Variants in TRMT2A observed in about 807,000 individuals in gnomAD.
TRMT2A encodes tRNA methyltransferase 2A.
TRMT2A carries 60 observed loss-of-function variants against 59.3 expected under a neutral mutation model. The ratio of observed to expected loss-of-function variants is 1.01; its 90% CI spans 0.82 to 1.26. The LOEUF (loss-of-function observed/expected upper bound fraction) is 1.26, where lower values mean the gene tolerates loss of function less well. Among genes scored for constraint, TRMT2A ranks in the 50% most tolerant of loss-of-function variants. The probability of loss-of-function intolerance (pLI) is 0.00; values close to 1 mark genes in which losing one functional copy is unlikely to be tolerated. For missense variants in TRMT2A, 863 were observed against 845.2 expected (o/e 1.02, Z -0.26); for synonymous variants, 403 against 353.7 (o/e 1.14, Z -1.56).
In TRMT2A at chr22:20,112,273, AC is replaced by A; in HGVS notation, c.*289del. The stretch of plus-strand genomic sequence containing the variant: ...CCTGGCACCCAGGCCCTGTGTTCAG[AC>A]CCCTGGCTCTCATCACAGAAACACC... On this transcript the variant is annotated 3_prime_UTR_variant, in exon 12 of 12. Coordinates refer to ENST00000252136, the MANE Select transcript of TRMT2A (RefSeq NM_022727.6). 1 of 454,546 alleles carries A rather than the reference AC, an allele frequency of 2.2e-6. No homozygotes were observed. The highest frequency in any genetic ancestry group is 3.9e-6 in the Non-Finnish European group (1 of 255,854). The allele number at this position is 454,546 out of a possible 1,614,324, so 28.2% of individuals were successfully genotyped here.
Position 20,113,551 on chromosome 22 carries a change from T to C in TRMT2A, c.1357-44A>G, listed in dbSNP as rs578167463. Reference sequence around the variant, plus strand: ...GTGTCGCCCCACCCAGGGAGGGGAGTACATGGGGCCCTGTGGGCAGCAAAG... The same window carrying C: ...GTGTCGCCCCACCCAGGGAGGGGAGCACATGGGGCCCTGTGGGCAGCAAAG... On this transcript the variant is annotated intron_variant, in intron 8 of 11. Coordinates refer to ENST00000252136, the MANE Select transcript of TRMT2A (RefSeq NM_022727.6). 6.2e-6 allele frequency: 10 copies of C among 1,611,566 alleles called. No homozygotes were observed. The East Asian group carries it at 1.8e-4, about 29-fold the overall frequency.
chr22:20,112,652 C>A lies in TRMT2A; in HGVS notation c.1789G>T (p.Val597Phe), dbSNP rs1381023152. The A allele has an allele frequency of 1.2e-6, 2 of 1,614,084 alleles. No homozygotes were observed. Among genetic ancestry groups the A allele is most frequent in the Non-Finnish European group, 1.7e-6 (2 of 1,180,022 alleles). Residue 597 changes from valine (V) to phenylalanine (F), a missense_variant, in exon 12 of 12, where the codon GTC (valine) becomes TTC (phenylalanine). Physicochemically the swap from Val to Phe is conservative, Grantham distance 50. Coordinates refer to ENST00000252136, the MANE Select transcript of TRMT2A (RefSeq NM_022727.6). ...ERVEHPNGTG[V>F]LGPHSPPAQP... is the part of the protein sequence containing the mutation. ...GCTGGAGGGCTGTGGGGCCCCAAGA[C>A]CCCTGTGCCATTGGGGTGCTCCACC...
At chr22:20,113,581 G>T in intron 8 of TRMT2A, 74 bp from the exon 9 acceptor site, 1 of 1,608,572 alleles carries the variant, frequency 6.2e-7, no homozygotes, top group Non-Finnish European at 8.5e-7. Context: ...GCAAAGAGGA[G>T]CTGGGCCTGG....
rs2049890708 is a variant in TRMT2A at position 20,112,937 on chromosome 22, G to A, written c.1620C>T (p.Pro540=). The change falls in exon 11 of 12, where the codon CCC becomes CCT. Residue 540 remains proline, a synonymous_variant. Transcript: ENST00000252136. ...LRRLLYVSCN[P]RAAMGNFVDL... ...CCACAAAGTTGCCCATGGCTGCCCG[G>A]GGGTTGCATGAGACGTACAGCAGCC... 1 of 1,613,662 alleles carries A rather than the reference G, an allele frequency of 6.2e-7. No homozygotes were observed. Among genetic ancestry groups the A allele is most frequent in the Admixed American group, 1.7e-5 (1 of 60,010 alleles).
At chr22:20,113,094 C>A (rs759466081) in intron 10 of TRMT2A, 24 bp downstream of exon 10, 4 of 1,608,980 alleles carry the variant, frequency 2.5e-6, no homozygotes, top group Admixed American at 3.3e-5. Context: ...TCCCGTGCCA[C>A]CTCCTTAAGC....
Position 20,116,241 on chromosome 22 carries a change from G to A in TRMT2A, c.396C>T (p.Ala132=), listed in dbSNP as rs992085833. 4 of 1,612,870 alleles carry A rather than the reference G, an allele frequency of 2.5e-6. No individual in the cohort carries two copies. In the African/African-American group the frequency reaches 5.3e-5, roughly 22 times the overall value. ...CACTGAGTGGGCGGCCTTTCCAGAGGGCACCATGCAAAACGCGCAGGGCCT... is the reference window on the plus strand; with the variant it reads ...CACTGAGTGGGCGGCCTTTCCAGAGAGCACCATGCAAAACGCGCAGGGCCT... ...RDKALRVLHG[A]LWKGRPLSVR... is the part of the protein sequence containing the mutation. Residue 132 remains alanine, a synonymous_variant, in exon 2 of 12, where the codon GCC becomes GCT. Transcript: ENST00000252136.
Position 20,117,189 on chromosome 22 carries a change from G to T in TRMT2A, c.-283C>A. 2 of 547,748 alleles carry T rather than the reference G, an allele frequency of 3.7e-6. No individual in the cohort carries two copies. The highest frequency in any genetic ancestry group is 6.1e-6 in the Non-Finnish European group (2 of 330,402). 33.9% of individuals were successfully genotyped at this position (547,748 alleles called of 1,614,324 possible). A position where few individuals can be genotyped will look rare whatever the true frequency, so the allele number is the denominator to read the frequency against. On this transcript the variant is annotated 5_prime_UTR_variant, in exon 1 of 12. Transcript: ENST00000252136. ...CCGCTCGCTTCGCCAGCCACTCTTA[G>T]TCCGCCAGCGCGTGCGGCGGAGGCC...
Position 20,116,189 on chromosome 22 carries a change from GGTC to G in TRMT2A, c.445_447del (p.Asp149del). ...TCCTGTCGCCTCCTCCTGGCCATGG[GGTC>G]GGCCTTGGGCCGGGCCAGGCGCACA... On this transcript the variant is annotated inframe_deletion, in exon 2 of 12. Transcript: ENST00000252136. The G allele has an allele frequency of 6.2e-7, 1 of 1,613,046 alleles. No homozygotes were observed. The highest frequency in any genetic ancestry group is 1.6e-4 in the Middle Eastern group (1 of 6,062).
rs1371623282 is a variant in TRMT2A, at chr22:20,112,543, C to T, written c.*20G>A. 1.9e-6 allele frequency: 3 copies of T among 1,610,730 alleles called. No individual in the cohort carries two copies. In the South Asian group the frequency reaches 3.3e-5, roughly 18 times the overall value. ...GCCCTGGGAGCCCTTCAGCTCCTGT[C>T]CCCATAATGGGTCCTGGGCCTAGGA... On this transcript the variant is annotated 3_prime_UTR_variant, in exon 12 of 12. Coordinates refer to ENST00000252136, the MANE Select transcript of TRMT2A (RefSeq NM_022727.6).
chr22:20,115,291 C>T lies in TRMT2A; in HGVS notation c.865G>A (p.Val289Met). The T allele has an allele frequency of 1.9e-6, 3 of 1,612,666 alleles. No homozygotes were observed. The highest frequency in any genetic ancestry group is 2.5e-6 in the Non-Finnish European group (3 of 1,179,680). ...CGGATGAACTCCTGGAAGGCCTTCACCACCTGCTTGGTGGCTTCGGGGATG... is the reference window on the plus strand; with the variant it reads ...CGGATGAACTCCTGGAAGGCCTTCATCACCTGCTTGGTGGCTTCGGGGATG... Reference protein sequence around the residue: ...VHIPEATKQVVKAFQEFIRST... With the variant: ...VHIPEATKQVMKAFQEFIRST... Residue 289 changes from valine to methionine, a missense_variant, in exon 4 of 12, where the codon GTG (valine) becomes ATG (methionine). Coordinates refer to ENST00000252136, the MANE Select transcript of TRMT2A (RefSeq NM_022727.6).
chr22:20,115,873 T>C (rs894890616), intron 2 of TRMT2A, 93 bp from the exon 3 acceptor site: 2 of 1,415,304 alleles, frequency 1.4e-6, no homozygotes, highest in African/African-American at 2.9e-5. Flanking sequence ...TGACCCCTCC[T>C]TTGGGATGTC....
In TRMT2A at chr22:20,116,137, C is replaced by T. The variant is rs751338979; in HGVS notation, c.500G>A (p.Arg167Gln). ...TAGAGGGGTCACCACGTCGGCCACT[C>T]GTGTTACTGGTGGCTCACTCTCACC... ...QEGESEPPVTRVADVVTPLWT... is the reference protein window; with the variant it reads ...QEGESEPPVTQVADVVTPLWT... The change falls in exon 2 of 12, where the codon CGA (arginine) becomes CAA (glutamine). Residue 167 changes from arginine to glutamine, a missense_variant. By Grantham distance (43) the Arg-to-Gln change is conservative. Coordinates refer to ENST00000252136, the MANE Select transcript of TRMT2A (RefSeq NM_022727.6). The T allele has an allele frequency of 2.8e-5, 45 of 1,612,800 alleles. No homozygotes were observed. Among genetic ancestry groups the T allele is most frequent in the Non-Finnish European group, 3.6e-5 (42 of 1,179,702 alleles).
chr22:20,113,330 T>G lies in TRMT2A; in HGVS notation c.1433-96A>C, dbSNP rs1014041456. 3 of 1,518,360 alleles carry G rather than the reference T, an allele frequency of 2.0e-6. No individual in the cohort carries two copies. The African/African-American group carries it at 4.2e-5, about 21-fold the overall frequency. The allele number at this position is 1,518,360 out of a possible 1,614,324, so 94.1% of individuals were successfully genotyped here. A position where few individuals can be genotyped will look rare whatever the true frequency, so the allele number is the denominator to read the frequency against. On this transcript the variant is annotated intron_variant, in intron 9 of 11. Coordinates refer to ENST00000252136, the MANE Select transcript of TRMT2A (RefSeq NM_022727.6). ...CTAGCCAAAGAGCTTGCTCACTTGC[T>G]CTACCTGTCGGGCAGCCCCCAAGCC... is the stretch of plus-strand genomic sequence containing the variant.
rs56997592 is a variant in TRMT2A, at chr22:20,112,864, G to A, written c.1646+47C>T. 6.6e-3 allele frequency: 10,635 copies of A among 1,612,598 alleles called. 580 individuals carry two copies. The African/African-American group carries it at 0.12, about 18-fold the overall frequency. On this transcript the variant is annotated intron_variant, in intron 11 of 11. Transcript: ENST00000252136. ...TCAGGGGCTCCTGTGGGAGCTGGGG[G>A]CTTGGTAGCAGGCCTAGCCCCCACC...
intron 2 of TRMT2A, 63 bp downstream of exon 2, chr22:20,115,975 G>T: frequency 6.6e-7 from 1 of 1,508,656 alleles, no homozygotes. Context: ...TGCATGGACA[G>T]GCTGAGGAAG....
In TRMT2A at chr22:20,117,030, G is replaced by A; in HGVS notation, c.-124C>T. The A allele has an allele frequency of 7.6e-7, 1 of 1,324,444 alleles. No individual in the cohort carries two copies. The highest frequency in any genetic ancestry group is 1.0e-6 in the Non-Finnish European group (1 of 958,982). 82.0% of individuals were successfully genotyped at this position (1,324,444 alleles called of 1,614,324 possible). ...AGTGCTCAGAGGGGAGGTGCTCACAGAGCCGGTGCAACGCCGCGAGGTCGC... is the reference window on the plus strand; with the variant it reads ...AGTGCTCAGAGGGGAGGTGCTCACAAAGCCGGTGCAACGCCGCGAGGTCGC... On this transcript the variant is annotated 5_prime_UTR_variant, in exon 1 of 12. Coordinates refer to ENST00000252136, the MANE Select transcript of TRMT2A (RefSeq NM_022727.6).
chr22:20,117,210 A>T lies in TRMT2A; in HGVS notation c.-304T>A. 5 of 540,150 alleles carry T rather than the reference A, an allele frequency of 9.3e-6. No homozygotes were observed. The highest frequency in any genetic ancestry group is 1.5e-5 in the Non-Finnish European group (5 of 327,376). The allele number at this position is 540,150 out of a possible 1,614,324, so 33.5% of individuals were successfully genotyped here. ...CTTAGTCCGCCAGCGCGTGCGGCGG[A>T]GGCCGAGCGTCTCTATGATCCTGGC... is the stretch of plus-strand genomic sequence containing the variant. On this transcript the variant is annotated 5_prime_UTR_variant, in exon 1 of 12. Transcript: ENST00000252136.
chr22:20,113,116 A>G lies in TRMT2A; in HGVS notation c.1549+2T>C. The G allele has an allele frequency of 6.2e-7, 1 of 1,605,562 alleles. No individual in the cohort carries two copies. Among genetic ancestry groups the G allele is most frequent in the South Asian group, 1.1e-5 (1 of 90,332 alleles). Reference sequence around the variant, plus strand: ...CCACCTCCTTAAGCAAAAGCCACTCACGCAAGCCAGCACGGGGTGGGTCCA... The same window carrying G: ...CCACCTCCTTAAGCAAAAGCCACTCGCGCAAGCCAGCACGGGGTGGGTCCA... On this transcript the variant is annotated splice_donor_variant, in intron 10 of 11. Transcript: ENST00000252136. LOFTEE classifies it high-confidence loss of function.
intron 7 of TRMT2A, 64 bp from the exon 8 acceptor site, chr22:20,113,872 C>T (rs1003003729): frequency 2.5e-5 from 37 of 1,462,452 alleles, no homozygotes; most frequent in African/African-American, 1.4e-4. Context: ...GGTGCCCCGA[C>T]GCCCACATTC....
Sources: gnomAD v4.1 joint callset for allele counts on GRCh38, gnomAD v4.1.1 for gene constraint, MANE v1.5 for transcripts, NCBI Gene and HGNC (gene_info 2026-07-23, HGNC 2026-07-21) for gene names.